The following EIF2B5 variants were observed in gnomAD, a reference collection of about 807,000 sequenced individuals.
The protein encoded by EIF2B5 is translation initiation factor eIF2B subunit epsilon.
In EIF2B5, 38 loss-of-function variants were observed where a neutral mutation model predicts 87.3. The observed-to-expected ratio is 0.44, with a 90% CI of 0.34 to 0.57. The LOEUF (loss-of-function observed/expected upper bound fraction) is 0.57, where lower values mean the gene tolerates loss of function less well. EIF2B5 is among the 20% of genes least tolerant of loss of function. EIF2B5 has a pLI of 0.02. For missense variants in EIF2B5, 784 were observed against 909.5 expected (o/e 0.86, Z 1.78); for synonymous variants, 313 against 339.6 (o/e 0.92, Z 0.86).
At chr3:184,138,607 A>G (rs1457842270) in intron 5 of EIF2B5, among the ~76,000 whole-genome samples, 6 of 151,918 alleles carry the variant, frequency 3.9e-5, no homozygotes, top group Admixed American at 3.9e-4. Flanking sequence ...TACCTGTCTC[A>G]GCCTCCCAAA....
In EIF2B5 at chr3:184,144,908, A is replaced by G. The variant is rs777998094; in HGVS notation, c.2131A>G (p.Lys711Glu). Reference sequence around the variant, plus strand: ...GCTGCAGAGGTTCATCCAGTGGCTAAAAGAGGCAGAAGAGGAGTCATCTGA... The same window carrying G: ...GCTGCAGAGGTTCATCCAGTGGCTAGAAGAGGCAGAAGAGGAGTCATCTGA... Reference protein sequence around the residue: ...QQLQRFIQWLKEAEEESSEDD With the variant: ...QQLQRFIQWLEEAEEESSEDD The change falls in exon 16 of 16, where the codon AAA (lysine) becomes GAA (glutamate). Residue 711 changes from lysine to glutamate, a missense_variant. By Grantham distance (56) the Lys-to-Glu change is moderately conservative (BLOSUM62 1). Around this residue, in one of 3 missense-constraint regions of EIF2B5, gnomAD observed 660 missense variants for 789.5 expected, o/e 0.84. Coordinates refer to ENST00000648915, the MANE Select transcript of EIF2B5 (RefSeq NM_003907.3). 2 of 1,613,806 alleles carry G rather than the reference A, an allele frequency of 1.2e-6. No individual in the cohort carries two copies. The highest frequency in any genetic ancestry group is 4.5e-5 in the East Asian group (2 of 44,882).
chr3:184,144,606 G>A lies in EIF2B5; in HGVS notation c.2005G>A (p.Ala669Thr). 2.5e-6 allele frequency: 4 copies of A among 1,614,060 alleles called. No homozygotes were observed. Among genetic ancestry groups the A allele is most frequent in the Non-Finnish European group, 3.4e-6 (4 of 1,180,002 alleles). Residue 669 changes from alanine to threonine, a missense_variant, in exon 15 of 16, where the codon GCT becomes ACT. Transcript: ENST00000648915. ...LGISMAKVLM[A>T]FYQLEILAEE... Reference sequence around the variant, plus strand: ...TATTGGCCTTTTGCAGGTACTGATGGCTTTCTACCAGCTGGAGATCCTGGC... The same window carrying A: ...TATTGGCCTTTTGCAGGTACTGATGACTTTCTACCAGCTGGAGATCCTGGC...
chr3:184,138,199 G>A lies in EIF2B5; in HGVS notation c.718G>A (p.Val240Ile). Residue 240 changes from valine (V) to isoleucine (I), a missense_variant, in exon 5 of 16, where the codon GTT (valine) becomes ATT (isoleucine). Coordinates refer to ENST00000648915, the MANE Select transcript of EIF2B5 (RefSeq NM_003907.3). Reference protein sequence around the residue: ...LFQGSSDGVEVRYDLLDCHIS... With the variant: ...LFQGSSDGVEIRYDLLDCHIS... ...TCAGGGCAGTAGTGATGGAGTGGAG[G>A]TTCGATATGATTTACTGGATTGTCA... 1.9e-6 allele frequency: 3 copies of A among 1,614,062 alleles called. No individual in the cohort carries two copies. Among genetic ancestry groups the A allele is most frequent in the Non-Finnish European group, 2.5e-6 (3 of 1,180,038 alleles).
chr3:184,142,764 A>C lies in EIF2B5; in HGVS notation c.1547-15A>C. On this transcript the variant is annotated splice_polypyrimidine_tract_variant and intron_variant, in intron 10 of 15. Coordinates refer to ENST00000648915, the MANE Select transcript of EIF2B5 (RefSeq NM_003907.3). The surrounding 1 kb of genome is among the most constrained non-coding windows in gnomAD (Gnocchi z 5.0). ...ACTCTTTTTTTCTTTTTCCTCACCC[A>C]TTATGGCTTCTCAGGACTCAAGATC... 5.0e-6 allele frequency: 8 copies of C among 1,612,150 alleles called. No homozygotes were observed. Among genetic ancestry groups the C allele is most frequent in the South Asian group, 1.1e-5 (1 of 90,658 alleles).
intron 1 of EIF2B5, 65 bp from the exon 2 acceptor site, chr3:184,136,547 T>G (rs1012483241): frequency 2.9e-5 from 47 of 1,602,062 alleles, no homozygotes; most frequent in Non-Finnish European, 3.8e-5. Context: ...GGAGTGAAAA[T>G]TGTTGCAGTG....
rs979544817 is a variant in EIF2B5, at chr3:184,143,794, G to T, written c.1869+229G>T. 4 of 694,642 alleles carry T rather than the reference G, an allele frequency of 5.8e-6. No homozygotes were observed. The African/African-American group carries it at 7.1e-5, about 12-fold the overall frequency. 43.0% of individuals were successfully genotyped at this position (694,642 alleles called of 1,614,324 possible). ...TTCATACCATCCTAGGCCCACAAAGGTATATTCAGAATGGACCTGGACATT... is the reference window on the plus strand; with the variant it reads ...TTCATACCATCCTAGGCCCACAAAGTTATATTCAGAATGGACCTGGACATT... On this transcript the variant is annotated intron_variant, in intron 13 of 15. Transcript: ENST00000648915.
chr3:184,138,716 G>A (rs987301165), intron 5 of EIF2B5: 2 of 218,462 alleles, frequency 9.2e-6, no homozygotes, highest in Non-Finnish European at 1.8e-5. Flanking sequence ...GGCCCAGGCT[G>A]GAGCACAGTG....
At chr3:184,135,662 A>T (rs901526973) in intron 1 of EIF2B5, 82 bp downstream of exon 1, 1 of 1,525,302 alleles carries the variant, frequency 6.6e-7, no homozygotes, top group African/African-American at 1.4e-5. Flanking sequence ...TAACTACAAC[A>T]GCATGCCCTT....
intron 1 of EIF2B5, 27 bp from the exon 2 acceptor site, chr3:184,136,585 A>G (rs764543925): frequency 6.2e-7 from 1 of 1,613,854 alleles, no homozygotes; most frequent in South Asian, 1.1e-5. Flanking sequence ...CGAGACCTCA[A>G]GTTTTTTTTC....
intron 2 of EIF2B5, 78 bp from the exon 3 acceptor site, chr3:184,137,542 A>C: frequency 6.8e-7 from 1 of 1,466,630 alleles, no homozygotes; most frequent in South Asian, 1.1e-5. Context: ...TGAGTGCTGA[A>C]AGGGGGTGAA....
In EIF2B5 at chr3:184,144,950, A is replaced by G. The variant is rs1484670706; in HGVS notation, c.*7A>G. ...GTCATCTGAAGATGACTGAAGTCAC[A>G]CTGCCTGCTCCTTTGGGTGTGATTG... On this transcript the variant is annotated 3_prime_UTR_variant, in exon 16 of 16. Transcript: ENST00000648915. The G allele has an allele frequency of 6.2e-7, 1 of 1,613,176 alleles. No homozygotes were observed. The highest frequency in any genetic ancestry group is 8.5e-7 in the Non-Finnish European group (1 of 1,179,908).
rs370230665 is a variant in EIF2B5 at position 184,142,625 on chromosome 3, C to T, written c.1546+22C>T. ...TGGGGTGAGCTAGGCCTGATGCCTGCCCTTCTCCTCCTGAATCGGAATATT... is the reference window on the plus strand; with the variant it reads ...TGGGGTGAGCTAGGCCTGATGCCTGTCCTTCTCCTCCTGAATCGGAATATT... On this transcript the variant is annotated intron_variant, in intron 10 of 15. Transcript: ENST00000648915. The surrounding 1 kb of genome is among the most constrained non-coding windows in gnomAD (Gnocchi z 5.0). 2 of 1,605,500 alleles carry T rather than the reference C, an allele frequency of 1.2e-6. No homozygotes were observed. The highest frequency in any genetic ancestry group is 4.5e-5 in the East Asian group (2 of 44,698).
Position 184,142,428 on chromosome 3 carries a change from G to C in EIF2B5, c.1444+50G>C, listed in dbSNP as rs536226800. 4 of 1,614,190 alleles carry C rather than the reference G, an allele frequency of 2.5e-6. No homozygotes were observed. In the South Asian group the frequency reaches 4.4e-5, roughly 18 times the overall value. ...CATCTGTGTGTCTCGCTGCCTCATA[G>C]AAGAACCAGTGTTTCCTCCTGGAGG... On this transcript the variant is annotated intron_variant, in intron 9 of 15. Coordinates refer to ENST00000648915, the MANE Select transcript of EIF2B5 (RefSeq NM_003907.3). The surrounding 1 kb of genome is among the most constrained non-coding windows in gnomAD (Gnocchi z 5.0).
intron 5 of EIF2B5, among the ~76,000 whole-genome samples, chr3:184,139,689 G>C (rs1346399810): frequency 6.6e-6 from 1 of 151,540 alleles, no homozygotes; most frequent in Non-Finnish European, 1.5e-5. Context: ...GGGTTTGCTA[G>C]GTCTCTGGGG....
rs958463198 is a variant in EIF2B5 at position 184,138,337 on chromosome 3, C to T, written c.765+91C>T. 4.3e-6 allele frequency: 5 copies of T among 1,156,168 alleles called. No homozygotes were observed. In the African/African-American group the frequency reaches 7.6e-5, roughly 18 times the overall value. 71.6% of individuals were successfully genotyped at this position (1,156,168 alleles called of 1,614,324 possible). A position where few individuals can be genotyped will look rare whatever the true frequency, so the allele number is the denominator to read the frequency against. On this transcript the variant is annotated intron_variant, in intron 5 of 15. Coordinates refer to ENST00000648915, the MANE Select transcript of EIF2B5 (RefSeq NM_003907.3). Reference sequence around the variant, plus strand: ...CTTAGAAGGCCAGGGTATATTTCTTCTCCCTGTTTATTTTCATTATTTTTA... The same window carrying T: ...CTTAGAAGGCCAGGGTATATTTCTTTTCCCTGTTTATTTTCATTATTTTTA...
Position 184,141,997 on chromosome 3 carries a change from A to C in EIF2B5, c.1229A>C (p.Gln410Pro). Residue 410 changes from glutamine (Q) to proline (P), a missense_variant, in exon 8 of 16, where the codon CAG (glutamine) becomes CCG (proline). Gln to Pro is a moderately conservative substitution (Grantham distance 76, BLOSUM62 -1). This residue lies in a region of EIF2B5 where 660 missense variants were observed against 789.5 expected (regional missense o/e 0.84). Transcript: ENST00000648915. ...GTGGCGGCTGGAGCACAGATCCATC[A>C]GTCTCTGCTTTGTGACAATGCTGAG... ...VRVAAGAQIH[Q>P]SLLCDNAEVK... The C allele has an allele frequency of 6.2e-7, 1 of 1,614,180 alleles. No individual in the cohort carries two copies. Among genetic ancestry groups the C allele is most frequent in the Non-Finnish European group, 8.5e-7 (1 of 1,180,032 alleles).
rs1269217015 is a variant in EIF2B5 at position 184,142,511 on chromosome 3, C to T, written c.1454C>T (p.Pro485Leu). 1 of 1,614,118 alleles carries T rather than the reference C, an allele frequency of 6.2e-7. No homozygotes were observed. The highest frequency in any genetic ancestry group is 2.2e-5 in the East Asian group (1 of 44,870). ...KDKVKMKGYN[P>L]AEVGAAGKGY... ...TCATTGCCTTTTCCAGGTTACAATC[C>T]AGCAGAAGTAGGAGCTGCTGGCAAG... Residue 485 changes from proline (P) to leucine (L), a missense_variant, in exon 10 of 16, where the codon CCA becomes CTA. Coordinates refer to ENST00000648915, the MANE Select transcript of EIF2B5 (RefSeq NM_003907.3). This position sits in a 1 kb window ranked among gnomAD's most constrained non-coding sequence, Gnocchi z 5.0.
At chr3:184,135,792 C>G in intron 1 of EIF2B5, 1 of 654,174 alleles carries the variant, frequency 1.5e-6, no homozygotes, top group South Asian at 1.9e-5. Context: ...CTGTCCACCT[C>G]GGGTTTGAAA....
intron 5 of EIF2B5, among the ~76,000 whole-genome samples, chr3:184,139,130 C>T (rs906153673): frequency 2.6e-5 from 4 of 151,822 alleles, no homozygotes; most frequent in Admixed American, 6.6e-5. Flanking sequence ...CCACCACATC[C>T]GGCTATTTTT....
Sources: allele counts gnomAD v4.1 joint callset (sites outside exome capture counted in the v4.1 genomes callset), GRCh38; gene constraint gnomAD v4.1.1; regional missense constraint gnomAD v4.1.1; non-coding constraint Gnocchi (gnomAD v3.1); transcripts MANE v1.5; gene names NCBI Gene and HGNC (gene_info 2026-07-23, HGNC 2026-07-21).